CDKN3: variants seen among roughly 807,000 people sequenced by gnomAD.
CDKN3 encodes the protein cyclin dependent kinase inhibitor 3.
In CDKN3, 19 loss-of-function variants were observed where a neutral mutation model predicts 36.1. The observed-to-expected ratio is 0.53, with a 90% CI of 0.37 to 0.77. The LOEUF (loss-of-function observed/expected upper bound fraction) is 0.77, where lower values mean the gene tolerates loss of function less well. CDKN3 is among the 30% of genes least tolerant of loss of function. The probability of loss-of-function intolerance (pLI) is 0.00; values close to 1 mark genes in which losing one functional copy is unlikely to be tolerated. For synonymous variants in CDKN3, 71 were observed against 85.3 expected, an observed-to-expected ratio of 0.83 and a Z score of 0.92; for missense variants, 188 against 248.6, an observed-to-expected ratio of 0.76 and a Z score of 1.64.
At chr14:54,418,162 A>G in intron 7 of CDKN3, 1 of 704,968 alleles carries the variant, frequency 1.4e-6, no homozygotes, top group Non-Finnish European at 2.6e-6. Context: ...AAAAGCACAC[A>G]GGATTTCAAA....
In CDKN3 at chr14:54,399,951, G is replaced by T. The variant is rs372060076; in HGVS notation, c.67G>T (p.Glu23Ter). Residue 23 changes from glutamate (E) to a stop codon, truncating the protein, a stop_gained, in exon 2 of 8, where the codon GAA (glutamate) becomes TAA (stop). Coordinates refer to ENST00000335183, the MANE Select transcript of CDKN3 (RefSeq NM_005192.4). LOFTEE classifies it high-confidence loss of function. ...ATCAGATGAAGAGCCTATTGAAGAT[G>T]AACAGACTCCAATTCATATATCATG... is the stretch of plus-strand genomic sequence containing the variant. Reference protein sequence around the residue: ...DSSDEEPIEDEQTPIHISWLS... With the variant: ...DSSDEEPIED 3.9e-6 allele frequency: 6 copies of T among 1,536,758 alleles called. No homozygotes were observed. Among genetic ancestry groups the T allele is most frequent in the Non-Finnish European group, 5.4e-6 (6 of 1,109,858 alleles).
intron 4 of CDKN3, 31 bp downstream of exon 4, chr14:54,408,820 G>A (rs775973497): frequency 6.6e-7 from 1 of 1,522,840 alleles, no homozygotes; most frequent in Non-Finnish European, 8.7e-7. Context: ...CCACACTCAT[G>A]GGTTTTTTAA....
At chr14:54,404,022 T>G (rs1281186192) in intron 3 of CDKN3, among the ~76,000 whole-genome samples, 1 of 152,180 alleles carries the variant, frequency 6.6e-6, no homozygotes, top group Non-Finnish European at 1.5e-5. Context: ...CTCTGCCAGG[T>G]TTTGGTATCA....
chr14:54,408,663 A>G, intron 3 of CDKN3, 82 bp from the exon 4 acceptor site: 1 of 1,366,798 alleles, frequency 7.3e-7, no homozygotes, highest in Non-Finnish European at 9.9e-7. Context: ...TGACTTTATA[A>G]AGTAGCTATA....
At chr14:54,406,971 C>G (rs1391884252) in intron 3 of CDKN3, among the ~76,000 whole-genome samples, 1 of 152,064 alleles carries the variant, frequency 6.6e-6, no homozygotes, top group Non-Finnish European at 1.5e-5. Context: ...TCCTCATCTT[C>G]GCGGATTTAT....
In CDKN3 at chr14:54,397,328, C is replaced by G. The variant is rs4251597; in HGVS notation, c.9+251C>G. Among the ~76,000 whole-genome samples the G allele has an allele frequency of 4.2e-3, 636 of 152,386 alleles. 2 individuals are homozygous for G. The highest frequency in any genetic ancestry group is 0.014 in the African/African-American group (590 of 41,592). On this transcript the variant is annotated intron_variant, in intron 1 of 7. Coordinates refer to ENST00000335183, the MANE Select transcript of CDKN3 (RefSeq NM_005192.4). ...CCTGCTGTGGGCTGTCACCTGTCCC[C>G]TGCGGGGTCTCATAAGCCTCCCAGC...
chr14:54,413,271 G>A (rs974104200), intron 5 of CDKN3, among the ~76,000 whole-genome samples: 1 of 151,898 alleles, frequency 6.6e-6, no homozygotes, highest in Non-Finnish European at 1.5e-5. Flanking sequence ...GATACATATA[G>A]GTAAAATAGT....
intron 3 of CDKN3, among the ~76,000 whole-genome samples, chr14:54,402,063 C>G (rs138310252): frequency 0.011 from 1,689 of 152,070 alleles, 36 homozygotes; most frequent in African/African-American, 0.038. Flanking sequence ...CAAAAATTAG[C>G]TGGGCATGGT....
intron 2 of CDKN3, among the ~76,000 whole-genome samples, chr14:54,400,237 T>TAATATAGA (rs1555361417): frequency 5.6e-5 from 8 of 142,316 alleles, no homozygotes; most frequent in Non-Finnish European, 1.2e-4. Context: ...ATTTACTCTT[T>TAATATAGA]ATAAGACCCT....
intron 5 of CDKN3, among the ~76,000 whole-genome samples, chr14:54,412,346 C>T (rs1423435308): frequency 4.0e-5 from 6 of 151,436 alleles, no homozygotes; most frequent in Admixed American, 2.0e-4. Context: ...GGTGACAGTA[C>T]TGCACTCCAG....
Position 54,417,919 on chromosome 14 carries a change from C to T in CDKN3, c.520C>T (p.Leu174=). Residue 174 remains leucine, a synonymous_variant, in exon 7 of 8, where the codon CTA becomes TTA. Transcript: ENST00000335183. ...PEQAIDSLRD[L]RGSGAIQTIK... ...GCAAGCCATAGACAGCCTGCGAGAC[C>T]TAAGAGGATCCGGGGCAATACAGAC... The T allele has an allele frequency of 6.3e-7, 1 of 1,594,466 alleles. No individual in the cohort carries two copies.
chr14:54,408,479 T>C, intron 3 of CDKN3: 1 of 340,062 alleles, frequency 2.9e-6, no homozygotes. Flanking sequence ...TAATAAAGCT[T>C]AAAGCCTGGA....
chr14:54,413,709 A>C, intron 5 of CDKN3: 2 of 1,533,648 alleles, frequency 1.3e-6, no homozygotes, highest in Non-Finnish European at 1.7e-6. Context: ...CTTCAGCAAC[A>C]GGATCTGGTA....
chr14:54,407,044 G>A (rs566228834), intron 3 of CDKN3, among the ~76,000 whole-genome samples: 19 of 152,268 alleles, frequency 1.2e-4, no homozygotes, highest in South Asian at 6.2e-4. Flanking sequence ...CGTCCTTTCC[G>A]TTGATGTTGA....
At chr14:54,418,558 A>G in intron 7 of CDKN3, 1 of 350,094 alleles carries the variant, frequency 2.9e-6, no homozygotes, top group Non-Finnish European at 5.2e-6. Flanking sequence ...ATGTCACTTC[A>G]TTTTGTAGAT....
chr14:54,411,896 T>A, intron 5 of CDKN3, 190 bp downstream of exon 5: 2 of 627,842 alleles, frequency 3.2e-6, no homozygotes, highest in South Asian at 3.6e-5. Flanking sequence ...CTGTTATTAC[T>A]TTTCAAGAGT....
At chr14:54,403,181 A>G in intron 3 of CDKN3, among the ~76,000 whole-genome samples, 1 of 152,162 alleles carries the variant, frequency 6.6e-6, no homozygotes, top group African/African-American at 2.4e-5. Flanking sequence ...CCTATCCATG[A>G]GCATGGAATG....
chr14:54,409,578 A>C (rs575848001), intron 4 of CDKN3, among the ~76,000 whole-genome samples: 1 of 152,284 alleles, frequency 6.6e-6, no homozygotes, highest in East Asian at 1.9e-4. Context: ...CACACCTGTA[A>C]TCCCAGCATT....
At chr14:54,413,710 G>A in intron 5 of CDKN3, 1 of 1,533,440 alleles carries the variant, frequency 6.5e-7, no homozygotes, top group Non-Finnish European at 8.7e-7. Context: ...TTCAGCAACA[G>A]GATCTGGTAA....
Sources: gnomAD v4.1 joint callset for allele counts (sites outside exome capture counted in the v4.1 genomes callset) on GRCh38, gnomAD v4.1.1 for gene constraint, MANE v1.5 for transcripts, NCBI Gene and HGNC (gene_info 2026-07-23, HGNC 2026-07-21) for gene names.